CASKIN1: variants seen among roughly 807,000 people sequenced by gnomAD.
CASKIN1 encodes the protein CASK interacting protein 1.
Under a neutral mutation model 117.5 loss-of-function variants are expected in CASKIN1, and 42 were observed. The observed-to-expected ratio is 0.36, with a 90% CI of 0.28 to 0.46. The LOEUF is 0.46. CASKIN1 is among the 20% of genes least tolerant of loss of function. The pLI, the probability that CASKIN1 is intolerant of heterozygous loss-of-function variation, is 1.00. For synonymous variants in CASKIN1, 1,148 were observed against 961.7 expected, an observed-to-expected ratio of 1.19 and a Z score of -3.59; for missense variants, 2,083 against 2,077.3, an observed-to-expected ratio of 1.00 and a Z score of -0.05.
chr16:2,186,080 T>C (rs1011029233), intron 10 of CASKIN1, among the ~76,000 whole-genome samples: 1 of 152,098 alleles, frequency 6.6e-6, no homozygotes, highest in Non-Finnish European at 1.5e-5. Flanking sequence ...CAAGCAATCC[T>C]CCCACCTCAG....
chr16:2,180,283 T>A lies in CASKIN1; in HGVS notation c.3085A>T (p.Thr1029Ser). 6.4e-7 allele frequency: 1 copy of A among 1,570,974 alleles called. No homozygotes were observed. The highest frequency in any genetic ancestry group is 1.2e-5 in the South Asian group (1 of 86,582). Residue 1029 changes from threonine (T) to serine (S), a missense_variant, in exon 18 of 20, where the codon ACT (threonine) becomes TCT (serine). Physicochemically the swap from Thr to Ser is moderately conservative, Grantham distance 58. Transcript: ENST00000343516. ...GGCTCTGGGCTGGCAGGGCGGGGAG[T>A]GGGGTGGCCCTCAGGAGGCCTGCGG... ...AARRPPEGHP[T>S]PRPASPEPGR...
Position 2,181,002 on chromosome 16 carries a change from T to C in CASKIN1, c.2366A>G (p.Gln789Arg). ...TGGACCATGAGGTCCCCCAAGGGCCTGGGGAGAGCCTGGTCGGGTTTTGGT... is the reference window on the plus strand; with the variant it reads ...TGGACCATGAGGTCCCCCAAGGGCCCGGGGAGAGCCTGGTCGGGTTTTGGT... ...TPTKTRPGSP[Q>R]ALGGPHGPAP... The change falls in exon 18 of 20, where the codon CAG becomes CGG. Residue 789 changes from glutamine (Q) to arginine (R), a missense_variant. By Grantham distance (43) the Gln-to-Arg change is conservative (BLOSUM62 1). Around this residue, in one of 3 missense-constraint regions of CASKIN1, gnomAD observed 1,818 missense variants for 1,688.9 expected, o/e 1.08. Coordinates refer to ENST00000343516, the MANE Select transcript of CASKIN1 (RefSeq NM_020764.4). 1 of 1,483,752 alleles carries C rather than the reference T, an allele frequency of 6.7e-7. No homozygotes were observed. The highest frequency in any genetic ancestry group is 8.9e-7 in the Non-Finnish European group (1 of 1,121,650). The allele number at this position is 1,483,752 out of a possible 1,614,324, so 91.9% of individuals were successfully genotyped here.
intron 6 of CASKIN1, among the ~76,000 whole-genome samples, chr16:2,188,415 A>G (rs1031686034): frequency 2.0e-5 from 3 of 151,836 alleles, no homozygotes; most frequent in Non-Finnish European, 2.9e-5. Context: ...CAGTGGCACA[A>G]TCATCGCTCA....
chr16:2,180,212 G>A lies in CASKIN1; in HGVS notation c.3156C>T (p.Ala1052=). 2 of 1,550,506 alleles carry A rather than the reference G, an allele frequency of 1.3e-6. No homozygotes were observed. Among genetic ancestry groups the A allele is most frequent in the Non-Finnish European group, 1.7e-6 (2 of 1,147,830 alleles). Residue 1052 remains alanine, a synonymous_variant, in exon 18 of 20, where the codon GCC becomes GCT. Transcript: ENST00000343516. The part of the protein sequence containing the change: ...TVLASVKHKE[A]IGPGGEVVNR... ...TCACCACCTCCCCGCCAGGCCCGAT[G>A]GCCTCTTTGTGTTTCACTGAGGCCA...
chr16:2,178,230 T>C lies in CASKIN1; in HGVS notation c.*320A>G, dbSNP rs754211749. On this transcript the variant is annotated 3_prime_UTR_variant, in exon 20 of 20. Coordinates refer to ENST00000343516, the MANE Select transcript of CASKIN1 (RefSeq NM_020764.4). ...CCGGGCGTCCCGATGGGCAGTTCTG[T>C]GCTGGGCCCGGGCCTGTGCGCTGCC... 3 of 433,500 alleles carry C rather than the reference T, an allele frequency of 6.9e-6. No individual in the cohort carries two copies. Among genetic ancestry groups the C allele is most frequent in the South Asian group, 6.1e-5 (3 of 48,994 alleles). 26.9% of individuals were successfully genotyped at this position (433,500 alleles called of 1,614,324 possible).
At chr16:2,195,369 G>A (rs955486303) in intron 1 of CASKIN1, among the ~76,000 whole-genome samples, 1 of 152,212 alleles carries the variant, frequency 6.6e-6, no homozygotes, top group African/African-American at 2.4e-5. Flanking sequence ...CTGTGGGGGT[G>A]GAGGGAGGAG....
At chr16:2,193,692 T>C (rs1202981550) in intron 1 of CASKIN1, among the ~76,000 whole-genome samples, 2 of 151,970 alleles carry the variant, frequency 1.3e-5, no homozygotes, top group East Asian at 1.9e-4. Flanking sequence ...TGGGGGAGGG[T>C]GTCTCCCTCA....
Position 2,178,652 on chromosome 16 carries a change from G to C in CASKIN1, c.4200-6C>G. 1 of 1,584,832 alleles carries C rather than the reference G, an allele frequency of 6.3e-7. No homozygotes were observed. Among genetic ancestry groups the C allele is most frequent in the Non-Finnish European group, 8.5e-7 (1 of 1,172,974 alleles). Reference sequence around the variant, plus strand: ...TCTTTTCCGCCGCCGAGTCGCTGCGGGGCGCGGGGCAAGGGGCGTGAGTGG... The same window carrying C: ...TCTTTTCCGCCGCCGAGTCGCTGCGCGGCGCGGGGCAAGGGGCGTGAGTGG... On this transcript the variant is annotated splice_region_variant and splice_polypyrimidine_tract_variant and intron_variant, in intron 19 of 19. Transcript: ENST00000343516.
chr16:2,179,398 G>T lies in CASKIN1; in HGVS notation c.3776-73C>A. On this transcript the variant is annotated intron_variant, in intron 18 of 19. Coordinates refer to ENST00000343516, the MANE Select transcript of CASKIN1 (RefSeq NM_020764.4). This position sits in a 1 kb window ranked among gnomAD's most constrained non-coding sequence, Gnocchi z 5.8. ...CGCGCCCCCTGCCCCAGCCTCCCGC[G>T]GCTTCCTCCCCAGCGGACCGGGAAA... is the stretch of plus-strand genomic sequence containing the variant. 1.2e-5 allele frequency: 15 copies of T among 1,299,906 alleles called. No homozygotes were observed. In the Admixed American group the frequency reaches 1.6e-4, roughly 13 times the overall value. 80.5% of individuals were successfully genotyped at this position (1,299,906 alleles called of 1,614,324 possible). A position where few individuals can be genotyped will look rare whatever the true frequency, so the allele number is the denominator to read the frequency against.
At position 2,177,200 on chromosome 16, in the gene CASKIN1, G is replaced by A. The variant is rs770922152; in HGVS notation, c.*1350C>T. 4.5e-5 allele frequency: 11 copies of A among 243,434 alleles called. No individual in the cohort carries two copies. The highest frequency in any genetic ancestry group is 8.1e-5 in the Non-Finnish European group (10 of 122,860). 15.1% of individuals were successfully genotyped at this position (243,434 alleles called of 1,614,324 possible). A position where few individuals can be genotyped will look rare whatever the true frequency, so the allele number is the denominator to read the frequency against. ...GCACCTCTGTTTCCTGCTGTTTATT[G>A]ACAGCCGACGGCAGCGCCTTGCCCA... On this transcript the variant is annotated 3_prime_UTR_variant, in exon 20 of 20. Coordinates refer to ENST00000343516, the MANE Select transcript of CASKIN1 (RefSeq NM_020764.4).
Position 2,186,548 on chromosome 16 carries a change from G to A in CASKIN1, c.1048+159C>T, listed in dbSNP as rs566837883. Among the ~76,000 whole-genome samples, 21 of 152,282 alleles carry A rather than the reference G, an allele frequency of 1.4e-4. No individual in the cohort carries two copies. The South Asian group carries it at 3.9e-3, about 29-fold the overall frequency. ...AAGGAATAGGTGTGGGAACGGACGA[G>A]GAGACGGCCGCTGGGGCACCCTGAT... is the stretch of plus-strand genomic sequence containing the variant. On this transcript the variant is annotated intron_variant, in intron 10 of 19. Transcript: ENST00000343516.
rs753990452 is a variant in CASKIN1, at chr16:2,180,701, G to T, written c.2667C>A (p.Ser889=). ...RAHSLNRYAA[S]DSEPERDELL... is the part of the protein sequence containing the mutation. ...GCTCGTCCCGCTCCGGCTCGCTGTC[G>T]GACGCCGCATAGCGATTCAGGCTGT... Residue 889 remains serine, a synonymous_variant, in exon 18 of 20, where the codon TCC becomes TCA. Transcript: ENST00000343516. 6.7e-7 allele frequency: 1 copy of T among 1,493,044 alleles called. No homozygotes were observed. The highest frequency in any genetic ancestry group is 8.9e-7 in the Non-Finnish European group (1 of 1,127,798). 92.5% of individuals were successfully genotyped at this position (1,493,044 alleles called of 1,614,324 possible). A position where few individuals can be genotyped will look rare whatever the true frequency, so the allele number is the denominator to read the frequency against.
Position 2,196,352 on chromosome 16 carries a change from C to T in CASKIN1, c.81G>A (p.Arg27=). The change falls in exon 1 of 20, where the codon CGG becomes CGA. Residue 27 remains arginine (R), a synonymous_variant. Coordinates refer to ENST00000343516, the MANE Select transcript of CASKIN1 (RefSeq NM_020764.4). The surrounding 1 kb of genome is among the most constrained non-coding windows in gnomAD (Gnocchi z 5.7). The part of the protein sequence containing the change: ...GTAQRLLQRP[R]PGKAKLLGST... ...CCCGGCACTCACTGGCCTTCCCGGG[C>T]CGCGGCCTCTGCAGCAGCCTCTGCG... The T allele has an allele frequency of 7.6e-7, 1 of 1,315,058 alleles. No homozygotes were observed. Among genetic ancestry groups the T allele is most frequent in the Non-Finnish European group, 9.8e-7 (1 of 1,019,386 alleles). 81.5% of individuals were successfully genotyped at this position (1,315,058 alleles called of 1,614,324 possible).
chr16:2,190,004 G>T, intron 3 of CASKIN1, 69 bp downstream of exon 3: 1 of 1,403,066 alleles, frequency 7.1e-7, no homozygotes, highest in Non-Finnish European at 9.9e-7. Flanking sequence ...AAGGATCCAT[G>T]CAGGCCCTGG....
chr16:2,193,719 C>T (rs1777179042), intron 1 of CASKIN1, among the ~76,000 whole-genome samples: 1 of 152,386 alleles, frequency 6.6e-6, no homozygotes, highest in African/African-American at 2.4e-5. Context: ...GGACCACCCC[C>T]ATGTGAGGAG....
chr16:2,182,044 G>A lies in CASKIN1; in HGVS notation c.1630-115C>T. ...CCAGCAGGGCACAGACAGACAGGAGGACAAACGGATAGGCCGAGGTATTGG... is the reference window on the plus strand; with the variant it reads ...CCAGCAGGGCACAGACAGACAGGAGAACAAACGGATAGGCCGAGGTATTGG... On this transcript the variant is annotated intron_variant, in intron 16 of 19. Coordinates refer to ENST00000343516, the MANE Select transcript of CASKIN1 (RefSeq NM_020764.4). The surrounding 1 kb of genome is among the most constrained non-coding windows in gnomAD (Gnocchi z 4.1). 1.4e-6 allele frequency: 2 copies of A among 1,462,340 alleles called. No homozygotes were observed. Among genetic ancestry groups the A allele is most frequent in the South Asian group, 2.5e-5 (2 of 81,534 alleles). 90.6% of individuals were successfully genotyped at this position (1,462,340 alleles called of 1,614,324 possible). A position where few individuals can be genotyped will look rare whatever the true frequency, so the allele number is the denominator to read the frequency against.
In CASKIN1 at chr16:2,179,515, A is replaced by G; in HGVS notation, c.3775+78T>C. ...CTGGGCTTCCATCAAACCCAAGAAA[A>G]GGAAAACCCCTCAGACCACCGAGTA... On this transcript the variant is annotated intron_variant, in intron 18 of 19. Transcript: ENST00000343516. The surrounding 1 kb of genome is among the most constrained non-coding windows in gnomAD (Gnocchi z 5.8). The G allele has an allele frequency of 7.2e-7, 1 of 1,393,960 alleles. No individual in the cohort carries two copies. The highest frequency in any genetic ancestry group is 1.5e-5 in the African/African-American group (1 of 66,220). 86.3% of individuals were successfully genotyped at this position (1,393,960 alleles called of 1,614,324 possible).
intron 6 of CASKIN1, chr16:2,188,751 C>G: frequency 2.4e-6 from 1 of 425,142 alleles, no homozygotes; most frequent in Non-Finnish European, 4.2e-6. Flanking sequence ...CCCCACTTTA[C>G]GGATGGGAAA....
In CASKIN1 at chr16:2,185,379, G is replaced by A; in HGVS notation, c.1078C>T (p.Pro360Ser). 6.2e-7 allele frequency: 1 copy of A among 1,611,330 alleles called. No individual in the cohort carries two copies. Among genetic ancestry groups the A allele is most frequent in the Non-Finnish European group, 8.5e-7 (1 of 1,178,684 alleles). Residue 360 changes from proline to serine, a missense_variant, in exon 11 of 20, where the codon CCC becomes TCC. By Grantham distance (74) the Pro-to-Ser change is moderately conservative. Coordinates refer to ENST00000343516, the MANE Select transcript of CASKIN1 (RefSeq NM_020764.4). ...GSRAGTEPSL[P>S]QGSSSSGPSA... ...GGTCCCGATGAGCTGCTTCCCTGGG[G>A]CAGGCTTGGTTCAGTGCCTGCTCGG...
Sources: gnomAD v4.1 joint callset for allele counts (sites outside exome capture counted in the v4.1 genomes callset) on GRCh38, gnomAD v4.1.1 for gene constraint, gnomAD v4.1.1 regional missense constraint, Gnocchi (gnomAD v3.1) non-coding constraint, MANE v1.5 for transcripts, NCBI Gene and HGNC (gene_info 2026-07-23, HGNC 2026-07-21) for gene names.